The following DRC9 variants were observed in gnomAD, a reference collection of about 807,000 sequenced individuals.
DRC9 encodes dynein regulatory complex protein 9.
At chr3:197,925,960 G>T in the DRC9 span, 3 of 844,598 alleles carry the variant, frequency 3.6e-6, no homozygotes, top group Non-Finnish European at 6.2e-6. Flanking sequence ...GAGAAAGATG[G>T]CTTCCATATA....
chr3:197,900,286 A>G, the DRC9 span, among the ~76,000 whole-genome samples: 2 of 152,186 alleles, frequency 1.3e-5, no homozygotes, highest in Non-Finnish European at 2.9e-5. The surrounding 1 kb of genome is among the most constrained non-coding windows in gnomAD (Gnocchi z 4.7). Context: ...GACACCAGCC[A>G]TGGTGGTTAA....
At chr3:197,924,288 G>A in the DRC9 span, among the ~76,000 whole-genome samples, 1 of 151,898 alleles carries the variant, frequency 6.6e-6, no homozygotes, top group Admixed American at 6.6e-5. Flanking sequence ...AAACCCAGGA[G>A]GCAGAGGTTT....
At chr3:197,922,055 T>C in the DRC9 span, among the ~76,000 whole-genome samples, 1 of 152,174 alleles carries the variant, frequency 6.6e-6, no homozygotes, top group Non-Finnish European at 1.5e-5. Flanking sequence ...GGATTTCACC[T>C]GGTTTCATCT....
the DRC9 span, chr3:197,954,441 C>G: frequency 2.3e-6 from 1 of 439,754 alleles, no homozygotes; most frequent in East Asian, 4.8e-5. Flanking sequence ...TCAAGCAATC[C>G]TTCCACCTCA....
chr3:197,916,912 T>C, the DRC9 span, among the ~76,000 whole-genome samples: 1 of 151,320 alleles, frequency 6.6e-6, no homozygotes, highest in African/African-American at 2.4e-5. Flanking sequence ...CAAAAAAATC[T>C]CTCATAATGT....
chr3:197,952,836 CTT>C, the DRC9 span, among the ~76,000 whole-genome samples: 39 of 144,130 alleles, frequency 2.7e-4, no homozygotes, highest in African/African-American at 6.1e-4. Flanking sequence ...ATGCTGTAGA[CTT>C]TTTTTTTTTT....
At chr3:197,927,884 A>C in the DRC9 span, among the ~76,000 whole-genome samples, 2 of 142,234 alleles carry the variant, frequency 1.4e-5, no homozygotes, top group Non-Finnish European at 3.1e-5. Context: ...GCATGTTCTC[A>C]TTCATAGGTG....
chr3:197,917,439 T>C, the DRC9 span, among the ~76,000 whole-genome samples: 1 of 152,244 alleles, frequency 6.6e-6, no homozygotes, highest in Non-Finnish European at 1.5e-5. Context: ...ATCGGAATCA[T>C]TCCTAAGAGA....
At chr3:197,950,061 G>A in the DRC9 span, 3 of 1,075,960 alleles carry the variant, frequency 2.8e-6, no homozygotes, top group South Asian at 9.5e-5. Flanking sequence ...GAGTGCTATT[G>A]AATGTGGCTT....
chr3:197,927,008 G>A, the DRC9 span, among the ~76,000 whole-genome samples: 10 of 152,172 alleles, frequency 6.6e-5, no homozygotes, highest in South Asian at 2.1e-4. Context: ...CAGGACTGTC[G>A]GACACCGGAG....
At chr3:197,912,731 C>T in the DRC9 span, 3 of 1,613,858 alleles carry the variant, frequency 1.9e-6, no homozygotes, top group Admixed American at 1.7e-5. Context: ...GCCTCTTCTT[C>T]GGTTTTCATC....
the DRC9 span, chr3:197,951,400 C>T: frequency 7.0e-7 from 1 of 1,422,572 alleles, no homozygotes; most frequent in Non-Finnish European, 9.9e-7. Context: ...GTTGCCGAGG[C>T]TGGAATGCAG....
chr3:197,940,639 A>G, the DRC9 span, among the ~76,000 whole-genome samples: 1 of 152,324 alleles, frequency 6.6e-6, no homozygotes, highest in East Asian at 1.9e-4. Flanking sequence ...ACATCCATAT[A>G]CTAACATTTA....
the DRC9 span, among the ~76,000 whole-genome samples, chr3:197,952,174 T>C: frequency 5.1e-5 from 7 of 136,692 alleles, no homozygotes; most frequent in Non-Finnish European, 9.6e-5. Flanking sequence ...TTTTTTTTTT[T>C]TTTTTTTTTT....
the DRC9 span, chr3:197,953,593 C>T: frequency 2.0e-5 from 9 of 458,050 alleles, no homozygotes; most frequent in Non-Finnish European, 3.9e-5. Flanking sequence ...ATGGCATTTC[C>T]CCTCCCTTTC....
chr3:197,946,363 A>G, the DRC9 span, among the ~76,000 whole-genome samples: 1 of 141,556 alleles, frequency 7.1e-6, no homozygotes. Flanking sequence ...TGAACCTGGG[A>G]GGCAGAGCTT....
At chr3:197,891,758 A>G in the DRC9 span, among the ~76,000 whole-genome samples, 4 of 152,244 alleles carry the variant, frequency 2.6e-5, no homozygotes, top group Non-Finnish European at 1.5e-5. Flanking sequence ...TTAATAATTC[A>G]AATTTAAATT....
the DRC9 span, among the ~76,000 whole-genome samples, chr3:197,898,399 A>G: frequency 2.6e-5 from 4 of 152,390 alleles, no homozygotes; most frequent in Non-Finnish European, 5.9e-5. Flanking sequence ...GTGAAAATAA[A>G]TGAATTGAAC....
chr3:197,889,282 C>G, the DRC9 span: 5 of 369,906 alleles, frequency 1.4e-5, no homozygotes, highest in South Asian at 2.4e-4. Flanking sequence ...CCAGTGAACT[C>G]CTTTGTTCTG....
Sources: gnomAD v4.1 joint callset for allele counts (sites outside exome capture counted in the v4.1 genomes callset) on GRCh38, gnomAD v4.1.1 for gene constraint, Gnocchi (gnomAD v3.1) non-coding constraint, MANE v1.5 for transcripts, NCBI Gene and HGNC (gene_info 2026-07-23, HGNC 2026-07-21) for gene names.